TECTB: variants seen among roughly 807,000 people sequenced by gnomAD.
TECTB encodes tectorin beta.
In TECTB, 45 loss-of-function variants were observed where a neutral mutation model predicts 43.3. The observed-to-expected ratio is 1.04, with a 90% CI of 0.82 to 1.33. The LOEUF (loss-of-function observed/expected upper bound fraction) is 1.33, where lower values mean the gene tolerates loss of function less well. TECTB is among the 40% of genes most tolerant of loss of function. TECTB has a pLI of 0.00. For missense variants in TECTB, 399 were observed against 404.7 expected, an observed-to-expected ratio of 0.99 and a Z score of 0.12; for synonymous variants, 169 against 156.7, an observed-to-expected ratio of 1.08 and a Z score of -0.59.
intron 7 of TECTB, among the ~76,000 whole-genome samples, chr10:112,296,774 A>G (rs1848549974): frequency 6.6e-6 from 1 of 152,006 alleles, no homozygotes; most frequent in Non-Finnish European, 1.5e-5. Context: ...CTGAGGGAAA[A>G]GGGGTGGGGT....
chr10:112,298,778 A>G (rs1465214589), intron 8 of TECTB, among the ~76,000 whole-genome samples: 1 of 152,336 alleles, frequency 6.6e-6, no homozygotes, highest in Middle Eastern at 3.4e-3. Flanking sequence ...CTGTGCTTTA[A>G]CAAGCCAGCA....
rs1487109264 is a variant in TECTB, at chr10:112,304,726, T to C, written c.*1414T>C. On this transcript the variant is annotated 3_prime_UTR_variant, in exon 11 of 11. Coordinates refer to ENST00000646139, the MANE Select transcript of TECTB (RefSeq NM_058222.3). ...GAAATCTCCGGATACATGAAGTGTA[T>C]GTTTGTTTAGTAATAGGCTAAAGTA... is the stretch of plus-strand genomic sequence containing the variant. The C allele has an allele frequency of 7.1e-6, 1 of 140,854 alleles. No homozygotes were observed. Among genetic ancestry groups the C allele is most frequent in the Non-Finnish European group, 1.5e-5 (1 of 68,002 alleles). The allele number at this position is 140,854 out of a possible 1,614,324, so 8.7% of individuals were successfully genotyped here. A position where few individuals can be genotyped will look rare whatever the true frequency, so the allele number is the denominator to read the frequency against.
chr10:112,294,868 C>T (rs749595613), intron 7 of TECTB, among the ~76,000 whole-genome samples: 9 of 152,092 alleles, frequency 5.9e-5, no homozygotes, highest in East Asian at 1.9e-4. Flanking sequence ...GAAAGGACAG[C>T]GCAAGAAATC....
intron 9 of TECTB, 52 bp downstream of exon 9, chr10:112,299,616 C>T (rs778474564): frequency 6.3e-7 from 1 of 1,592,930 alleles, no homozygotes; most frequent in Non-Finnish European, 8.6e-7. Flanking sequence ...TCACGCTGGG[C>T]TGCGTCCACA....
chr10:112,302,352 A>T, intron 10 of TECTB: 1 of 514,260 alleles, frequency 1.9e-6, no homozygotes, highest in South Asian at 3.6e-5. Flanking sequence ...GGTAAATCGG[A>T]TGAAGCAGAA....
intron 5 of TECTB, among the ~76,000 whole-genome samples, chr10:112,288,681 C>T (rs1848474532): frequency 6.6e-6 from 1 of 152,168 alleles, no homozygotes; most frequent in South Asian, 2.1e-4. Context: ...CATCAAATTA[C>T]CAGAAAGAGA....
At chr10:112,300,177 G>A (rs1251921636) in intron 9 of TECTB, among the ~76,000 whole-genome samples, 7 of 133,924 alleles carry the variant, frequency 5.2e-5, no homozygotes, top group Non-Finnish European at 8.1e-5. Context: ...AAAAAAAAAA[G>A]AAAGAAAGAA....
At chr10:112,300,943 A>C (rs1589643408) in intron 9 of TECTB, among the ~76,000 whole-genome samples, 3 of 152,270 alleles carry the variant, frequency 2.0e-5, no homozygotes. Context: ...AAGGGTGGGC[A>C]AAACCTGTGG....
rs1848639768 is a variant in TECTB, at chr10:112,304,843, T to A, written c.*1531T>A. ...TTCTGTAAATTCAGAGTTTTTATAGTCAGGAAAAACAGAAGACATATTTTA... is the reference window on the plus strand; with the variant it reads ...TTCTGTAAATTCAGAGTTTTTATAGACAGGAAAAACAGAAGACATATTTTA... On this transcript the variant is annotated 3_prime_UTR_variant, in exon 11 of 11. Transcript: ENST00000646139. 6.7e-6 allele frequency: 1 copy of A among 148,160 alleles called. No homozygotes were observed. 9.2% of individuals were successfully genotyped at this position (148,160 alleles called of 1,614,324 possible). A position where few individuals can be genotyped will look rare whatever the true frequency, so the allele number is the denominator to read the frequency against.
intron 9 of TECTB, among the ~76,000 whole-genome samples, chr10:112,300,055 G>T (rs1242666664): frequency 6.6e-6 from 1 of 151,196 alleles, no homozygotes; most frequent in Non-Finnish European, 1.5e-5. Context: ...CCAACTACTC[G>T]GGAGGCTAAG....
In TECTB at chr10:112,304,499, T is replaced by C. The variant is rs1235700099; in HGVS notation, c.*1187T>C. On this transcript the variant is annotated 3_prime_UTR_variant, in exon 11 of 11. Coordinates refer to ENST00000646139, the MANE Select transcript of TECTB (RefSeq NM_058222.3). ...TACAAACTGAATGAACCAATTCTGG[T>C]AGAGAATTGGCTGGATTGTGATAGG... The C allele has an allele frequency of 6.6e-6, 1 of 152,200 alleles. No individual in the cohort carries two copies. Among genetic ancestry groups the C allele is most frequent in the Non-Finnish European group, 1.5e-5 (1 of 68,032 alleles). 9.4% of individuals were successfully genotyped at this position (152,200 alleles called of 1,614,324 possible). A position where few individuals can be genotyped will look rare whatever the true frequency, so the allele number is the denominator to read the frequency against.
chr10:112,302,474 A>G, intron 10 of TECTB: 1 of 418,192 alleles, frequency 2.4e-6, no homozygotes, highest in African/African-American at 2.0e-5. Context: ...CAAATATTTG[A>G]ATTCTTGTTA....
intron 7 of TECTB, among the ~76,000 whole-genome samples, chr10:112,296,982 G>T (rs1848553239): frequency 6.6e-6 from 1 of 152,196 alleles, no homozygotes; most frequent in African/African-American, 2.4e-5. Flanking sequence ...GCTACCTGCA[G>T]ATAACAAACC....
chr10:112,287,754 G>T (rs928307974), intron 5 of TECTB, among the ~76,000 whole-genome samples: 1 of 152,166 alleles, frequency 6.6e-6, no homozygotes, highest in Non-Finnish European at 1.5e-5. Context: ...CTGGAACACA[G>T]ATCTCCTAGA....
intron 9 of TECTB, among the ~76,000 whole-genome samples, chr10:112,300,921 T>C (rs948657943): frequency 1.3e-5 from 2 of 152,160 alleles, no homozygotes; most frequent in Admixed American, 6.5e-5. Context: ...ACCTGAAGGA[T>C]AGTGTGACAT....
intron 7 of TECTB, among the ~76,000 whole-genome samples, chr10:112,297,851 C>G (rs757424052): frequency 1.3e-5 from 2 of 152,174 alleles, no homozygotes; most frequent in Non-Finnish European, 2.9e-5. Flanking sequence ...CCCCTCCCAT[C>G]GTACCTTGTC....
chr10:112,296,960 C>T (rs1848552348), intron 7 of TECTB, among the ~76,000 whole-genome samples: 1 of 152,296 alleles, frequency 6.6e-6, no homozygotes, highest in South Asian at 2.1e-4. Flanking sequence ...GCGACAGACC[C>T]TGCTACCCCG....
intron 8 of TECTB, 64 bp from the exon 9 acceptor site, chr10:112,299,428 C>T (rs1848576630): frequency 6.8e-6 from 10 of 1,480,954 alleles, no homozygotes; most frequent in Non-Finnish European, 8.5e-6. Context: ...CTCTTTTCTC[C>T]CCTTTGCTCA....
chr10:112,293,771 T>A lies in TECTB; in HGVS notation c.517T>A (p.Phe173Ile). The change falls in exon 6 of 11, where the codon TTT (phenylalanine) becomes ATT (isoleucine). Residue 173 changes from phenylalanine (F) to isoleucine (I), a missense_variant. Transcript: ENST00000646139. ...AKFSIKKEAP[F>I]VLEASEIGSD... is the part of the protein sequence containing the mutation. ...GTTCTCCATCAAGAAAGAAGCTCCC[T>A]TTGTCCTGGAGGCATCCGAAATCGG... is the stretch of plus-strand genomic sequence containing the variant. The A allele has an allele frequency of 6.2e-7, 1 of 1,614,156 alleles. No individual in the cohort carries two copies. The highest frequency in any genetic ancestry group is 8.5e-7 in the Non-Finnish European group (1 of 1,180,028).
Sources: gnomAD v4.1 joint callset for allele counts (sites outside exome capture counted in the v4.1 genomes callset) on GRCh38, gnomAD v4.1.1 for gene constraint, MANE v1.5 for transcripts, NCBI Gene and HGNC (gene_info 2026-07-23, HGNC 2026-07-21) for gene names.